ATP6V1A: variants seen among roughly 807,000 people sequenced by gnomAD.
The protein encoded by ATP6V1A is ATPase H+ transporting V1 subunit A.
In ATP6V1A, 18 loss-of-function variants were observed where a neutral mutation model predicts 70.1. The observed-to-expected ratio is 0.26, with a 90% confidence interval of 0.18 to 0.38. The LOEUF (loss-of-function observed/expected upper bound fraction) is 0.38, where lower values mean the gene tolerates loss of function less well. Ranked by LOEUF, ATP6V1A falls within the 10% of genes least tolerant of loss-of-function variation. The pLI, the probability that ATP6V1A is intolerant of heterozygous loss-of-function variation, is 1.00. For missense variants in ATP6V1A, 424 were observed against 772.4 expected (o/e 0.55, Z 5.35); for synonymous variants, 232 against 253.8 (o/e 0.91, Z 0.82).
chr3:113,795,103 A>G lies in ATP6V1A; in HGVS notation c.1125A>G (p.Pro375=), dbSNP rs1477857521. ...LAEMPADSGY[P]AYLGARLASF... is the part of the protein sequence containing the mutation. ...TTCATTTTTCAGATAGTGGATATCCAGCCTATCTTGGTGCCCGTCTGGCCT... is the reference window on the plus strand; with the variant it reads ...TTCATTTTTCAGATAGTGGATATCCGGCCTATCTTGGTGCCCGTCTGGCCT... The change falls in exon 10 of 15, where the codon CCA becomes CCG. Residue 375 remains proline (P), a synonymous_variant. Coordinates refer to ENST00000273398, the MANE Select transcript of ATP6V1A (RefSeq NM_001690.4). 19 of 1,613,972 alleles carry G rather than the reference A, an allele frequency of 1.2e-5. No homozygotes were observed. Among genetic ancestry groups the G allele is most frequent in the Non-Finnish European group, 1.6e-5 (19 of 1,180,008 alleles).
intron 1 of ATP6V1A, among the ~76,000 whole-genome samples, chr3:113,749,422 T>C (rs866532377): frequency 4.7e-4 from 71 of 152,270 alleles, no homozygotes; most frequent in African/African-American, 1.5e-3. Flanking sequence ...AAATAAAGCA[T>C]AAGGGTTTGG....
chr3:113,773,546 T>A (rs913476705), intron 1 of ATP6V1A, among the ~76,000 whole-genome samples: 1 of 152,186 alleles, frequency 6.6e-6, no homozygotes, highest in Non-Finnish European at 1.5e-5. Context: ...ACAAACCCAT[T>A]TGGTTTCCGC....
At chr3:113,787,291 T>G (rs1709048813) in intron 6 of ATP6V1A, among the ~76,000 whole-genome samples, 1 of 152,140 alleles carries the variant, frequency 6.6e-6, no homozygotes, top group Non-Finnish European at 1.5e-5. Context: ...ATCAGTTTAG[T>G]CCCAAACTCC....
intron 1 of ATP6V1A, among the ~76,000 whole-genome samples, chr3:113,751,211 C>G (rs1225540226): frequency 1.3e-5 from 2 of 151,772 alleles, no homozygotes; most frequent in Non-Finnish European, 2.9e-5. Context: ...GTTTTTATAT[C>G]TTATTTTTAT....
chr3:113,776,339 C>T (rs1708911914), intron 1 of ATP6V1A, among the ~76,000 whole-genome samples: 1 of 152,164 alleles, frequency 6.6e-6, no homozygotes, highest in South Asian at 2.1e-4. Flanking sequence ...CACTGCACTC[C>T]AGCCTGCGTG....
At chr3:113,803,827 G>T in intron 13 of ATP6V1A, 150 bp downstream of exon 13, 1 of 573,864 alleles carries the variant, frequency 1.7e-6, no homozygotes, top group Non-Finnish European at 3.1e-6. Flanking sequence ...TAGTAGACAT[G>T]ATCTAATATG....
intron 2 of ATP6V1A, among the ~76,000 whole-genome samples, chr3:113,780,460 T>A (rs1375917861): frequency 3.9e-5 from 6 of 152,226 alleles, no homozygotes; most frequent in African/African-American, 1.4e-4. Flanking sequence ...ATTATAAATA[T>A]CCTTACGGCC....
intron 14 of ATP6V1A, among the ~76,000 whole-genome samples, chr3:113,807,184 C>CTT (rs34303608): frequency 1.5e-5 from 2 of 131,762 alleles, no homozygotes; most frequent in Non-Finnish European, 3.2e-5. Flanking sequence ...CTTTTTTTTT[C>CTT]TTTTTTTTTT....
Position 113,798,033 on chromosome 3 carries a change from T to C in ATP6V1A, c.1291-210T>C, listed in dbSNP as rs550754917. On this transcript the variant is annotated intron_variant, in intron 11 of 14. Transcript: ENST00000273398. ...TTGTAATCCCAGCTACTGGTGAGGC[T>C]GAGTCAGGAGAATTGTTTGAACCCA... 3.3e-5 allele frequency among the ~76,000 whole-genome samples: 5 copies of C among 152,118 alleles called. No individual in the cohort carries two copies. In the East Asian group the frequency reaches 9.7e-4, roughly 30 times the overall value.
At chr3:113,777,820 A>G (rs1336985393) in intron 1 of ATP6V1A, among the ~76,000 whole-genome samples, 1 of 152,192 alleles carries the variant, frequency 6.6e-6, no homozygotes, top group Non-Finnish European at 1.5e-5. Flanking sequence ...AGAGGGAACA[A>G]CCTGTACAAA....
chr3:113,803,455 G>A (rs373696321), intron 12 of ATP6V1A, 128 bp from the exon 13 acceptor site: 64 of 708,518 alleles, frequency 9.0e-5, no homozygotes, highest in African/African-American at 5.5e-4. Context: ...TCAAAAAGCC[G>A]TTATAAGTAA....
intron 1 of ATP6V1A, among the ~76,000 whole-genome samples, chr3:113,771,321 C>G (rs1708837803): frequency 6.6e-6 from 1 of 151,830 alleles, no homozygotes; most frequent in Non-Finnish European, 1.5e-5. Context: ...CCATGCTTAC[C>G]AAAATGCTAT....
intron 2 of ATP6V1A, 76 bp from the exon 3 acceptor site, chr3:113,780,974 G>A: frequency 6.6e-7 from 1 of 1,505,796 alleles, no homozygotes; most frequent in Non-Finnish European, 8.9e-7. Flanking sequence ...GGGTTTATTG[G>A]GTGTTTTAAT....
intron 1 of ATP6V1A, among the ~76,000 whole-genome samples, chr3:113,761,289 T>A (rs1577081288): frequency 1.3e-5 from 2 of 152,190 alleles, no homozygotes; most frequent in Admixed American, 1.3e-4. Context: ...ACACTGTTGA[T>A]GCTGTCTCTT....
rs1709015434 is a variant in ATP6V1A at position 113,784,419 on chromosome 3, C to T, written c.407C>T (p.Thr136Ile). The T allele has an allele frequency of 6.2e-7, 1 of 1,613,282 alleles. No individual in the cohort carries two copies. Among genetic ancestry groups the T allele is most frequent in the Non-Finnish European group, 8.5e-7 (1 of 1,179,322 alleles). Reference protein sequence around the residue: ...ALSRDIKWDFTPCKNLRVGSH... With the variant: ...ALSRDIKWDFIPCKNLRVGSH... The stretch of plus-strand genomic sequence containing the variant: ...AGCAGAGATATCAAATGGGACTTTA[C>T]ACCTTGCAAAAACCTACGGGTATGT... Residue 136 changes from threonine (T) to isoleucine (I), a missense_variant, in exon 4 of 15, where the codon ACA becomes ATA. Thr to Ile is a moderately conservative substitution (Grantham distance 89). This residue lies in a region of ATP6V1A where 139 missense variants were observed against 163.5 expected (regional missense o/e 0.85). Coordinates refer to ENST00000273398, the MANE Select transcript of ATP6V1A (RefSeq NM_001690.4).
Position 113,801,053 on chromosome 3 carries a change from G to C in ATP6V1A, c.1495-2530G>C, listed in dbSNP as rs192937414. 3 of 152,232 alleles carry C rather than the reference G, an allele frequency of 2.0e-5. No homozygotes were observed. The East Asian group carries it at 5.8e-4, about 29-fold the overall frequency. The allele number at this position is 152,232 out of a possible 1,614,324, so 9.4% of individuals were successfully genotyped here. On this transcript the variant is annotated intron_variant, in intron 12 of 14. Coordinates refer to ENST00000273398, the MANE Select transcript of ATP6V1A (RefSeq NM_001690.4). ...GCCTGTAGTCCCAGCTACTTGGAAA[G>C]CTGAGGTGTGATGATCACTTGAGCT...
rs1468062255 is a variant in ATP6V1A at position 113,756,195 on chromosome 3, C to T, written c.-14+9082C>T. Reference sequence around the variant, plus strand: ...CTCAGGATTAGAGCCCAGGGAGTCACTTTCCAGAGATTGCTGCCATAATAC... The same window carrying T: ...CTCAGGATTAGAGCCCAGGGAGTCATTTTCCAGAGATTGCTGCCATAATAC... On this transcript the variant is annotated intron_variant, in intron 1 of 14. Transcript: ENST00000273398. 3.9e-5 allele frequency among the ~76,000 whole-genome samples: 6 copies of T among 152,308 alleles called. No individual in the cohort carries two copies. In the East Asian group the frequency reaches 1.2e-3, roughly 29 times the overall value.
intron 1 of ATP6V1A, among the ~76,000 whole-genome samples, chr3:113,753,549 T>G (rs886607116): frequency 2.6e-5 from 4 of 152,218 alleles, no homozygotes; most frequent in African/African-American, 9.6e-5. Flanking sequence ...ACAAAGGGAA[T>G]GCCTGTTAAT....
intron 1 of ATP6V1A, among the ~76,000 whole-genome samples, chr3:113,762,486 TG>T (rs1324457200): frequency 6.6e-6 from 1 of 151,882 alleles, no homozygotes; most frequent in Non-Finnish European, 1.5e-5. Flanking sequence ...GAGAATCACA[TG>T]AACCCAGGAC....
Sources: allele counts gnomAD v4.1 joint callset (sites outside exome capture counted in the v4.1 genomes callset), GRCh38; gene constraint gnomAD v4.1.1; regional missense constraint gnomAD v4.1.1; transcripts MANE v1.5; gene names NCBI Gene and HGNC (gene_info 2026-07-23, HGNC 2026-07-21).